The following GSE1 variants were observed in gnomAD, a reference collection of about 807,000 sequenced individuals.
GSE1 encodes genetic suppressor element 1.
A neutral mutation model predicts 112.6 loss-of-function variants in GSE1; 32 were observed. That is an observed-to-expected ratio of 0.28 (90% CI 0.21 to 0.38). GSE1 has a LOEUF of 0.38. Ranked by LOEUF, GSE1 falls within the 10% of genes least tolerant of loss-of-function variation. The pLI is 1.00. For synonymous variants in GSE1, 1,115 were observed against 735.6 expected (o/e 1.52, Z -8.35); for missense variants, 2,348 against 1,699.2 (o/e 1.38, Z -6.71).
intron 2 of GSE1, among the ~76,000 whole-genome samples, chr16:85,405,052 A>AG (rs1393188525): frequency 2.6e-3 from 47 of 18,146 alleles, no homozygotes; most frequent in Non-Finnish European, 3.5e-3. Context: ...TATTACACTC[A>AG]GGCCCCCCGG....
intron 2 of GSE1, among the ~76,000 whole-genome samples, chr16:85,358,667 C>G (rs186212533): frequency 1.3e-5 from 2 of 152,326 alleles, no homozygotes; most frequent in Admixed American, 1.3e-4. Flanking sequence ...CGACCTCTTT[C>G]TCTTTGTGTG....
intron 1 of GSE1, among the ~76,000 whole-genome samples, chr16:85,319,922 C>A (rs1211646310): frequency 6.6e-6 from 1 of 152,202 alleles, no homozygotes. Flanking sequence ...CTTGTTGAGT[C>A]CATGGGTAAG....
intron 2 of GSE1, among the ~76,000 whole-genome samples, chr16:85,376,317 G>A (rs2047419204): frequency 6.6e-6 from 1 of 152,232 alleles, no homozygotes; most frequent in African/African-American, 2.4e-5. Flanking sequence ...GGTTAGTCCT[G>A]GGGAGGTGCC....
chr16:85,640,224 C>T (rs2050330720), intron 2 of GSE1, among the ~76,000 whole-genome samples: 1 of 151,990 alleles, frequency 6.6e-6, no homozygotes, highest in Non-Finnish European at 1.5e-5. Context: ...GTGGCCGGGA[C>T]TCATGGCTTC....
At chr16:85,415,434 G>A (rs959815725) in intron 2 of GSE1, among the ~76,000 whole-genome samples, 5 of 152,192 alleles carry the variant, frequency 3.3e-5, no homozygotes, top group African/African-American at 4.8e-5. Context: ...TGCTGAGGGC[G>A]TCCTGGGGTT....
At chr16:85,276,943 G>A (rs1909426757) in intron 1 of GSE1, among the ~76,000 whole-genome samples, 1 of 152,234 alleles carries the variant, frequency 6.6e-6, no homozygotes, top group Non-Finnish European at 1.5e-5. Flanking sequence ...GGGTGGGCAG[G>A]AGGGGACCGT....
At chr16:85,337,823 G>A (rs996862517) in intron 1 of GSE1, among the ~76,000 whole-genome samples, 21 of 152,266 alleles carry the variant, frequency 1.4e-4, no homozygotes, top group African/African-American at 4.3e-4. Context: ...AGCCTCTGCA[G>A]TTTTCACTGC....
chr16:85,543,494 T>A (rs1040426711), intron 2 of GSE1, among the ~76,000 whole-genome samples: 1 of 152,144 alleles, frequency 6.6e-6, no homozygotes, highest in Non-Finnish European at 1.5e-5. Flanking sequence ...CACACCCCAT[T>A]CCCCATGTTT....
chr16:85,597,039 A>G (rs904179079), intron 1 of GSE1, among the ~76,000 whole-genome samples: 3 of 151,790 alleles, frequency 2.0e-5, no homozygotes, highest in Middle Eastern at 6.8e-3. Context: ...GTACAGTGGC[A>G]TGACCTTGGC....
At chr16:85,649,286 C>T (rs1273312161) in intron 3 of GSE1, among the ~76,000 whole-genome samples, 2 of 152,094 alleles carry the variant, frequency 1.3e-5, no homozygotes, top group South Asian at 2.1e-4. Flanking sequence ...CGGATTTGGG[C>T]GGGGGTGGCA....
In GSE1 at chr16:85,495,132, T is replaced by C. The variant is rs890929256; in HGVS notation, c.2464+137489T>C. 5.3e-5 allele frequency among the ~76,000 whole-genome samples: 8 copies of C among 152,344 alleles called. 1 individual carries two copies. Among genetic ancestry groups the C allele is most frequent in the East Asian group, 1.9e-4 (1 of 5,186 alleles). On this transcript the variant is annotated intron_variant, in intron 2 of 2. Coordinates refer to the GSE1 transcript ENST00000637419. ...GTGGTTATTCTAGTGTTCTTTGTCC[T>C]TCGGGAGGAGGGGAGAAAGGGAGAG...
intron 2 of GSE1, among the ~76,000 whole-genome samples, chr16:85,529,856 C>T (rs1257604544): frequency 5.3e-5 from 8 of 152,200 alleles, no homozygotes; most frequent in Non-Finnish European, 4.4e-5. Flanking sequence ...CTGGGAGCCA[C>T]GAAACACCTC....
chr16:85,292,293 C>T (rs1294772433), intron 1 of GSE1, among the ~76,000 whole-genome samples: 3 of 150,018 alleles, frequency 2.0e-5, no homozygotes, highest in African/African-American at 4.9e-5. Flanking sequence ...TGCACGCCAC[C>T]ATGCCCAGCT....
chr16:85,460,114 T>A (rs2049932653), intron 2 of GSE1, among the ~76,000 whole-genome samples: 1 of 152,154 alleles, frequency 6.6e-6, no homozygotes, highest in Non-Finnish European at 1.5e-5. Context: ...GGATGCAATC[T>A]CCTGGCCCAC....
intron 1 of GSE1, among the ~76,000 whole-genome samples, chr16:85,356,890 C>T (rs537519883): frequency 4.6e-4 from 70 of 152,296 alleles, no homozygotes; most frequent in African/African-American, 1.6e-3. Flanking sequence ...AGCTCAGGAT[C>T]GCACCAGGTG....
chr16:85,324,576 G>A (rs1025903477), intron 1 of GSE1, among the ~76,000 whole-genome samples: 4 of 151,908 alleles, frequency 2.6e-5, no homozygotes, highest in African/African-American at 9.7e-5. Context: ...GTGCACACAC[G>A]TTCACAGCAG....
intron 2 of GSE1, among the ~76,000 whole-genome samples, chr16:85,474,922 G>A (rs937303857): frequency 4.6e-5 from 7 of 151,980 alleles, no homozygotes; most frequent in East Asian, 3.9e-4. Flanking sequence ...TGACAGATTC[G>A]TGGCCAGGAC....
In GSE1 at chr16:85,247,036, T is replaced by C. The variant is rs556577208; in HGVS notation, c.2283+75229T>C. Among the ~76,000 whole-genome samples, 482 of 152,210 alleles carry C rather than the reference T, an allele frequency of 3.2e-3. 5 individuals are homozygous for C. Among genetic ancestry groups the C allele is most frequent in the African/African-American group, 0.011 (458 of 41,520 alleles). On this transcript the variant is annotated intron_variant, in intron 1 of 2. Coordinates refer to the GSE1 transcript ENST00000637419. The stretch of plus-strand genomic sequence containing the variant: ...GGGCACCGCCTTCTTCTCTGACCCA[T>C]CTCGTCACCTGCCCCACCCCCCAGG...
intron 1 of GSE1, among the ~76,000 whole-genome samples, chr16:85,256,001 C>T (rs776843301): frequency 9.9e-5 from 15 of 152,236 alleles, no homozygotes; most frequent in Admixed American, 2.6e-4. Flanking sequence ...GCCTACTTCT[C>T]AATCCTGCGT....
Sources: gnomAD v4.1 joint callset for allele counts (sites outside exome capture counted in the v4.1 genomes callset) on GRCh38, gnomAD v4.1.1 for gene constraint, MANE v1.5 for transcripts, NCBI Gene and HGNC (gene_info 2026-07-23, HGNC 2026-07-21) for gene names.